The following LRRC75A variants were observed in gnomAD, a reference collection of about 807,000 sequenced individuals.
The protein encoded by LRRC75A is leucine-rich repeat-containing protein 75A.
LRRC75A carries 12 observed loss-of-function variants against 26.0 expected under a neutral mutation model. The ratio of observed to expected loss-of-function variants is 0.46; its 90% confidence interval spans 0.30 to 0.75. LRRC75A has a LOEUF of 0.75. Among genes scored for constraint, LRRC75A ranks in the 30% least tolerant of loss-of-function variants. The pLI, the probability that LRRC75A is intolerant of heterozygous loss-of-function variation, is 0.08. For synonymous variants in LRRC75A, 223 were observed against 219.3 expected (o/e 1.02, Z -0.15); for missense variants, 410 against 486.6 (o/e 0.84, Z 1.48).
At chr17:16,444,614 A>G (rs933000216) in intron 3 of LRRC75A, among the ~76,000 whole-genome samples, 6 of 151,914 alleles carry the variant, frequency 3.9e-5, no homozygotes, top group Admixed American at 1.3e-4. Context: ...AGGATTCCCT[A>G]TGGGGAGCCT....
At chr17:16,456,152 G>T (rs1199548793) in intron 2 of LRRC75A, among the ~76,000 whole-genome samples, 17 of 134,420 alleles carry the variant, frequency 1.3e-4, no homozygotes, top group African/African-American at 4.4e-4. Flanking sequence ...AGAGGAGGGA[G>T]AGGAGGAGGA....
chr17:16,443,583 C>T lies in LRRC75A; in HGVS notation c.*5G>A. On this transcript the variant is annotated 3_prime_UTR_variant, in exon 4 of 4. Transcript: ENST00000470794. ...GACTCCCTGGTGAGGCCCTTCACTT[C>T]CATGTCACGTCTGAGCTGCAGCTAC... The T allele has an allele frequency of 6.6e-7, 1 of 1,511,008 alleles. No homozygotes were observed. The highest frequency in any genetic ancestry group is 1.2e-5 in the South Asian group (1 of 80,754). The allele number at this position is 1,511,008 out of a possible 1,614,324, so 93.6% of individuals were successfully genotyped here. A position where few individuals can be genotyped will look rare whatever the true frequency, so the allele number is the denominator to read the frequency against.
chr17:16,473,116 C>T (rs6502508), intron 1 of LRRC75A, among the ~76,000 whole-genome samples: 2,547 of 151,730 alleles, frequency 0.017, 83 homozygotes, highest in African/African-American at 0.059. Context: ...AAATTCAAGT[C>T]GTTGTAAGTA....
chr17:16,484,481 C>T (rs1052044499), intron 1 of LRRC75A, among the ~76,000 whole-genome samples: 3 of 152,124 alleles, frequency 2.0e-5, no homozygotes, highest in Non-Finnish European at 4.4e-5. Context: ...CTGCCCAAGG[C>T]ACGGCTGACA....
chr17:16,480,957 G>C (rs866498523), intron 1 of LRRC75A, among the ~76,000 whole-genome samples: 5 of 152,244 alleles, frequency 3.3e-5, no homozygotes, highest in Non-Finnish European at 5.9e-5. Flanking sequence ...CCTGGTCCCA[G>C]TCCTGTGTGA....
At chr17:16,490,710 G>A (rs1375758627) in intron 1 of LRRC75A, among the ~76,000 whole-genome samples, 5 of 152,124 alleles carry the variant, frequency 3.3e-5, no homozygotes, top group Admixed American at 1.3e-4. Context: ...TTTCAGCAGC[G>A]ACTGGAAAAC....
At chr17:16,459,245 G>A (rs924597938) in intron 2 of LRRC75A, among the ~76,000 whole-genome samples, 2 of 152,272 alleles carry the variant, frequency 1.3e-5, no homozygotes, top group Admixed American at 6.5e-5. Context: ...AAATAAATAA[G>A]CAAGGTAATT....
At chr17:16,460,952 G>C (rs1170047732) in intron 2 of LRRC75A, 1 of 152,584 alleles carries the variant, frequency 6.6e-6, no homozygotes, top group Non-Finnish European at 1.5e-5. Flanking sequence ...CCAGCTCCCT[G>C]TGGCTCCTGG....
At chr17:16,463,740 G>T (rs991357329) in intron 1 of LRRC75A, 7 of 152,254 alleles carry the variant, frequency 4.6e-5, no homozygotes, top group African/African-American at 1.7e-4. Flanking sequence ...AGGCACGCAG[G>T]CTGGACATCA....
chr17:16,445,957 G>A (rs2093581082), intron 3 of LRRC75A, among the ~76,000 whole-genome samples: 1 of 152,196 alleles, frequency 6.6e-6, no homozygotes, highest in Admixed American at 6.5e-5. Context: ...TGCCCAGGCT[G>A]GAGTGCAGTG....
At position 16,446,354 on chromosome 17, in the gene LRRC75A, T is replaced by C. The variant is rs904538442; in HGVS notation, c.491+1491A>G. Among the ~76,000 whole-genome samples, 191 of 152,124 alleles carry C rather than the reference T, an allele frequency of 1.3e-3. 1 individual carries two copies. Among genetic ancestry groups the C allele is most frequent in the African/African-American group, 4.2e-3 (176 of 41,502 alleles). On this transcript the variant is annotated intron_variant, in intron 3 of 3. Transcript: ENST00000470794. ...GACAGACCACAAACAAAACCCTGAG[T>C]GTGGGGCGATACTGTAGCGTGGGGC...
At chr17:16,457,508 G>T (rs12603293) in intron 2 of LRRC75A, among the ~76,000 whole-genome samples, 3,992 of 152,292 alleles carry the variant, frequency 0.026, 140 homozygotes, top group East Asian at 0.19. Flanking sequence ...ACTTCGGCAT[G>T]TGCAGCCGCC....
intron 2 of LRRC75A, among the ~76,000 whole-genome samples, chr17:16,460,483 C>T (rs2093719430): frequency 6.6e-6 from 1 of 152,166 alleles, no homozygotes. Flanking sequence ...GTCCTTCTCC[C>T]CACACAGGCT....
intron 1 of LRRC75A, among the ~76,000 whole-genome samples, chr17:16,472,193 C>A (rs779751989): frequency 6.6e-6 from 1 of 152,030 alleles, no homozygotes; most frequent in Non-Finnish European, 1.5e-5. Flanking sequence ...AGGAAGGTGG[C>A]CACTAAGGGT....
At chr17:16,466,545 G>A (rs1305285675) in intron 1 of LRRC75A, among the ~76,000 whole-genome samples, 1 of 152,204 alleles carries the variant, frequency 6.6e-6, no homozygotes, top group Non-Finnish European at 1.5e-5. Flanking sequence ...TCTAGGAACT[G>A]TGCCTGTGGA....
chr17:16,456,666 G>A (rs533541211), intron 2 of LRRC75A, among the ~76,000 whole-genome samples: 102 of 152,304 alleles, frequency 6.7e-4, no homozygotes, highest in Non-Finnish European at 1.4e-3. Flanking sequence ...GTAGAGCAGC[G>A]AGGAGGGAAG....
intron 1 of LRRC75A, among the ~76,000 whole-genome samples, chr17:16,468,977 G>A (rs1004020110): frequency 1.3e-5 from 2 of 152,150 alleles, no homozygotes; most frequent in African/African-American, 4.8e-5. Flanking sequence ...CCTGACACTT[G>A]GTTATTAAAC....
intron 2 of LRRC75A, among the ~76,000 whole-genome samples, chr17:16,453,814 C>T (rs1024717381): frequency 2.6e-5 from 4 of 152,054 alleles, no homozygotes; most frequent in Admixed American, 2.6e-4. Context: ...CTTCTTCTCC[C>T]CCAGAGTGAG....
intron 2 of LRRC75A, among the ~76,000 whole-genome samples, chr17:16,456,130 GGAGGAGGAGGAAGAGGAGGGA>G (rs2093676376): frequency 6.9e-6 from 1 of 144,932 alleles, no homozygotes; most frequent in Non-Finnish European, 1.5e-5. Context: ...AGCAGTAGTA[GGAGGAGGAGGAAGAGGAGGGA>G]GAGGAGGAGG....
Sources: gnomAD v4.1 joint callset for allele counts (sites outside exome capture counted in the v4.1 genomes callset) on GRCh38, gnomAD v4.1.1 for gene constraint, MANE v1.5 for transcripts, NCBI Gene and HGNC (gene_info 2026-07-23, HGNC 2026-07-21) for gene names.